The following TBL1Y variants were observed in gnomAD, a reference collection of about 807,000 sequenced individuals.
TBL1Y encodes transducin beta like 1 Y-linked, also known as F-box-like/WD repeat-containing protein TBL1Y.
A neutral mutation model predicts 12.0 loss-of-function variants in TBL1Y; 15 were observed. That is an observed-to-expected ratio of 1.25 (90% CI 0.83 to 1.92). The LOEUF is 1.92. Ranked by LOEUF, TBL1Y falls within the 40% of genes most tolerant of loss-of-function variation. The pLI is 0.00. For missense variants in TBL1Y, 148 were observed against 116.7 expected (o/e 1.27, Z -1.24); for synonymous variants, 53 against 42.6 (o/e 1.24, Z -0.95).
Position 7,064,142 on chromosome Y carries a change from T to G in TBL1Y, c.450T>G (p.His150Gln). The G allele has an allele frequency of 5.0e-6, 2 of 398,302 alleles. No homozygotes were observed. Among genetic ancestry groups the G allele is most frequent in the Non-Finnish European group, 7.1e-6 (2 of 283,359 alleles). Residue 150 changes from histidine (H) to glutamine (Q), a missense_variant, in exon 8 of 19, where the codon CAT becomes CAG. By Grantham distance (24) the His-to-Gln change is conservative. Coordinates refer to ENST00000383032, the MANE Select transcript of TBL1Y (RefSeq NM_033284.2). The stretch of plus-strand genomic sequence containing the variant: ...TGAACGGGGAAGAGAATGGAGCACA[T>G]GAAATCAGTGAGTGCGCAGGCTCTG... Reference protein sequence around the residue: ...ATVNGEENGAHEINNHSKPME... With the variant: ...ATVNGEENGAQEINNHSKPME...
intron 17 of TBL1Y, 99 bp downstream of exon 17, chrY:7,087,531 G>A: frequency 4.0e-6 from 1 of 251,994 alleles, no homozygotes; most frequent in Non-Finnish European, 6.1e-6. Context: ...AGGGAGTAGA[G>A]CAAGCCCAGG....
intron 4 of TBL1Y, among the ~76,000 whole-genome samples, chrY:7,006,074 C>T (rs764723851): frequency 6.2e-3 from 207 of 33,350 alleles, no homozygotes; most frequent in Admixed American, 0.02. Flanking sequence ...ACACTTTGTT[C>T]GGTATTTAAT....
chrY:7,011,507 G>A (rs2012519279), intron 4 of TBL1Y, among the ~76,000 whole-genome samples: 3 of 34,113 alleles, frequency 8.8e-5, no homozygotes, highest in African/African-American at 3.4e-4. Context: ...TATTCTGAAA[G>A]CACCACCTTA....
chrY:7,018,814 T>C, intron 4 of TBL1Y, among the ~76,000 whole-genome samples: 1 of 33,424 alleles, frequency 3.0e-5, no homozygotes, highest in South Asian at 6.8e-4. Context: ...AAAAGAGAAG[T>C]CTTTTGGGGA....
chrY:6,969,820 T>A (rs748425247), intron 2 of TBL1Y, among the ~76,000 whole-genome samples: 8 of 29,685 alleles, frequency 2.7e-4, no homozygotes, highest in African/African-American at 7.9e-4. Flanking sequence ...CTGTGGATTT[T>A]AAAAAAAAAA....
At position 7,031,100 on chromosome Y, in the gene TBL1Y, A is replaced by T. The variant is rs746098689; in HGVS notation, c.58+5958A>T. 8.9e-5 allele frequency among the ~76,000 whole-genome samples: 3 copies of T among 33,606 alleles called. No individual in the cohort carries two copies. In the East Asian group the frequency reaches 2.4e-3, roughly 27 times the overall value. 90.2% of individuals were successfully genotyped at this position (33,606 alleles called of 37,273 possible). A position where few individuals can be genotyped will look rare whatever the true frequency, so the allele number is the denominator to read the frequency against. Reference sequence around the variant, plus strand: ...TACATTGATTTCCTGGCTATGTGACATACTTCACCTGCAGTACTTCTCTCT... The same window carrying T: ...TACATTGATTTCCTGGCTATGTGACTTACTTCACCTGCAGTACTTCTCTCT... On this transcript the variant is annotated intron_variant, in intron 6 of 18. Transcript: ENST00000383032.
At chrY:6,977,111 G>A in intron 2 of TBL1Y, among the ~76,000 whole-genome samples, 1 of 33,185 alleles carries the variant, frequency 3.0e-5, no homozygotes. Flanking sequence ...TTTCTCACAG[G>A]GTGCCAGGCT....
chrY:7,051,297 T>G, intron 7 of TBL1Y, among the ~76,000 whole-genome samples: 2 of 32,849 alleles, frequency 6.1e-5, no homozygotes, highest in African/African-American at 2.4e-4. Flanking sequence ...AAGTCAGGAG[T>G]TCTAGACTAG....
intron 2 of TBL1Y, among the ~76,000 whole-genome samples, chrY:6,965,523 T>C (rs1034128003): frequency 3.0e-5 from 1 of 33,106 alleles, no homozygotes; most frequent in Non-Finnish European, 7.4e-5. Flanking sequence ...TCACCATTGC[T>C]CCATCTGCGA....
chrY:6,982,045 C>T (rs2012286368), intron 3 of TBL1Y, among the ~76,000 whole-genome samples: 1 of 33,391 alleles, frequency 3.0e-5, no homozygotes, highest in South Asian at 6.7e-4. Context: ...AAGGTCAGTA[C>T]AGAATTGGCC....
chrY:6,996,225 C>T (rs904263114), intron 4 of TBL1Y, among the ~76,000 whole-genome samples: 1 of 33,262 alleles, frequency 3.0e-5, no homozygotes, highest in Non-Finnish European at 7.4e-5. Flanking sequence ...GAAGAGAAGA[C>T]GTTTTGCCCT....
intron 2 of TBL1Y, among the ~76,000 whole-genome samples, chrY:6,951,604 C>T: frequency 3.0e-5 from 1 of 33,020 alleles, no homozygotes; most frequent in Non-Finnish European, 7.4e-5. Flanking sequence ...ATCAGTTTTG[C>T]TGATCTTTTC....
chrY:7,038,106 A>G, intron 6 of TBL1Y, among the ~76,000 whole-genome samples: 2 of 33,562 alleles, frequency 6.0e-5, no homozygotes, highest in South Asian at 1.4e-3. Context: ...TGCAAGAAAC[A>G]AAGTATGTAC....
intron 2 of TBL1Y, among the ~76,000 whole-genome samples, chrY:6,976,818 C>T: frequency 3.9e-4 from 13 of 33,470 alleles, no homozygotes; most frequent in Admixed American, 3.6e-3. Context: ...AGAATACTAT[C>T]GCTGGCATGG....
At chrY:7,054,654 T>C (rs2012817073) in intron 7 of TBL1Y, among the ~76,000 whole-genome samples, 1 of 34,133 alleles carries the variant, frequency 2.9e-5, no homozygotes, top group Non-Finnish European at 7.3e-5. Flanking sequence ...TGGCAGGGTG[T>C]CTGCTGTGCT....
chrY:7,076,929 A>G (rs761410763), intron 13 of TBL1Y, among the ~76,000 whole-genome samples: 1 of 26,033 alleles, frequency 3.8e-5, no homozygotes, highest in East Asian at 9.7e-4. Flanking sequence ...AAAAAAAAAA[A>G]AGAGAGAGAG....
chrY:7,066,356 ATTGTTGTTG>A (rs1308090704), intron 8 of TBL1Y, among the ~76,000 whole-genome samples: 6 of 32,678 alleles, frequency 1.8e-4, no homozygotes, highest in Admixed American at 1.4e-3. Flanking sequence ...TTTTGTTGTT[ATTGTTGTTG>A]TTGTTGTTGT....
intron 7 of TBL1Y, among the ~76,000 whole-genome samples, chrY:7,054,729 C>T: frequency 8.8e-5 from 3 of 34,157 alleles, no homozygotes; most frequent in East Asian, 1.6e-3. Flanking sequence ...TGTTCCTGCA[C>T]GGCTAAGTGC....
At chrY:6,924,500 A>G (rs2011811343) in intron 2 of TBL1Y, among the ~76,000 whole-genome samples, 2 of 29,841 alleles carry the variant, frequency 6.7e-5, no homozygotes. Context: ...AGGCAGGAGA[A>G]TGGCGTGAAC....
Sources: allele counts gnomAD v4.1 joint callset (sites outside exome capture counted in the v4.1 genomes callset), GRCh38; gene constraint gnomAD v4.1.1; transcripts MANE v1.5; gene names NCBI Gene and HGNC (gene_info 2026-07-23, HGNC 2026-07-21).